The following ADGRV1 variants were observed in gnomAD, a reference collection of about 807,000 sequenced individuals.
ADGRV1 encodes the protein G-protein coupled receptor 98.
Under a neutral mutation model 596.2 loss-of-function variants are expected in ADGRV1, and 359 were observed. The ratio of observed to expected loss-of-function variants is 0.60; its 90% CI spans 0.55 to 0.66. ADGRV1 has a LOEUF of 0.66. Ranked by LOEUF, ADGRV1 falls within the 30% of genes least tolerant of loss-of-function variation. The pLI, the probability that ADGRV1 is intolerant of heterozygous loss-of-function variation, is 0.00. For missense variants in ADGRV1, 7,274 were observed against 7,575.6 expected (o/e 0.96, Z 1.48); for synonymous variants, 2,681 against 2,679.2 (o/e 1.00, Z -0.02).
At position 90,712,399 on chromosome 5, in the gene ADGRV1, CT is replaced by C. The variant is rs2149722710; in HGVS notation, c.9156del (p.Gly3053AspfsTer2). 6.3e-7 allele frequency: 1 copy of C among 1,590,754 alleles called. No individual in the cohort carries two copies. The highest frequency in any genetic ancestry group is 1.3e-5 in the African/African-American group (1 of 74,662). ...KFQLILTNPS[P>X]GLELGKNTIA... is the part of the protein sequence containing the mutation. ...CAGCTGATTTTAACAAATCCTTCTC[CT>C]GGACTAGAGCTAGGGAAAAATACAA... On this transcript the variant is annotated frameshift_variant, in exon 42 of 90. Coordinates refer to ENST00000405460, the MANE Select transcript of ADGRV1 (RefSeq NM_032119.4). LOFTEE classifies it high-confidence loss of function.
intron 70 of ADGRV1, among the ~76,000 whole-genome samples, chr5:90,793,512 A>T (rs1312968310): frequency 2.6e-5 from 4 of 152,186 alleles, no homozygotes; most frequent in Non-Finnish European, 4.4e-5. Flanking sequence ...TATAGTACAA[A>T]ATTGCTCTCA....
intron 1 of ADGRV1, among the ~76,000 whole-genome samples, chr5:90,609,415 C>T (rs1014552827): frequency 1.3e-5 from 2 of 151,884 alleles, no homozygotes; most frequent in African/African-American, 2.4e-5. Flanking sequence ...TTATTTATTA[C>T]TTTAAAAATG....
At position 90,689,989 on chromosome 5, in the gene ADGRV1, A is replaced by C. The variant is rs1277027264; in HGVS notation, c.6619A>C (p.Asn2207His). 1 of 1,608,222 alleles carries C rather than the reference A, an allele frequency of 6.2e-7. No individual in the cohort carries two copies. Among genetic ancestry groups the C allele is most frequent in the Non-Finnish European group, 8.5e-7 (1 of 1,177,088 alleles). Residue 2207 changes from asparagine to histidine, a missense_variant, in exon 30 of 90, where the codon AAT becomes CAT. Physicochemically the swap from Asn to His is moderately conservative, Grantham distance 68. Around this residue, in one of 5 missense-constraint regions of ADGRV1, gnomAD observed 3,643 missense variants for 3,809.2 expected, o/e 0.96. Transcript: ENST00000405460. ...LEESFLVQLM[N>H]ETTGGARLGA... ...AGAATCTTTTCTTGTGCAACTGATG[A>C]ATGAAACAACAGGAGGAGCCAGACT...
In ADGRV1 at chr5:90,965,489, A is replaced by G; in HGVS notation, c.17931A>G (p.Thr5977=). The part of the protein sequence containing the change: ...EESCSAMAAV[T]HYLYLCQFSW... ...GCTGTTCAGCTATGGCTGCTGTCACACATTACCTGTATCTTTGCCAGTTTA... is the reference window on the plus strand; with the variant it reads ...GCTGTTCAGCTATGGCTGCTGTCACGCATTACCTGTATCTTTGCCAGTTTA... Residue 5977 remains threonine, a synonymous_variant, in exon 84 of 90, where the codon ACA becomes ACG. Coordinates refer to ENST00000405460, the MANE Select transcript of ADGRV1 (RefSeq NM_032119.4). 1 of 1,613,662 alleles carries G rather than the reference A, an allele frequency of 6.2e-7. No individual in the cohort carries two copies. Among genetic ancestry groups the G allele is most frequent in the South Asian group, 1.1e-5 (1 of 91,058 alleles).
intron 83 of ADGRV1, among the ~76,000 whole-genome samples, chr5:90,868,300 G>T (rs1768329451): frequency 6.6e-6 from 1 of 151,758 alleles, no homozygotes; most frequent in Non-Finnish European, 1.5e-5. Context: ...AATTTTTTTA[G>T]TTTCATTTCA....
chr5:90,614,795 G>A (rs1468396512), intron 1 of ADGRV1, 40 bp from the exon 2 acceptor site: 1 of 1,342,230 alleles, frequency 7.5e-7, no homozygotes, highest in Non-Finnish European at 1.1e-6. Context: ...GAATAGATTA[G>A]ATATATTTTG....
chr5:91,014,136 C>CCACA (rs70973720), intron 85 of ADGRV1, among the ~76,000 whole-genome samples: 976 of 35,682 alleles, frequency 0.027, 15 homozygotes, highest in East Asian at 0.05. Flanking sequence ...TTCACAATTG[C>CCACA]CACACACACA....
chr5:90,909,955 G>A (rs1772704615), intron 83 of ADGRV1, among the ~76,000 whole-genome samples: 1 of 152,232 alleles, frequency 6.6e-6, no homozygotes, highest in African/African-American at 2.4e-5. Flanking sequence ...GTCACCCCAT[G>A]TGTCAGTTGG....
chr5:90,804,316 C>A (rs776393740), intron 71 of ADGRV1, among the ~76,000 whole-genome samples: 2 of 152,044 alleles, frequency 1.3e-5, no homozygotes, highest in Non-Finnish European at 2.9e-5. Context: ...GCATGAGAAT[C>A]ACTTGAACCT....
chr5:90,707,042 A>C (rs913878986), intron 38 of ADGRV1, among the ~76,000 whole-genome samples: 1 of 152,174 alleles, frequency 6.6e-6, no homozygotes, highest in Admixed American at 6.5e-5. Context: ...TGATTACTTC[A>C]AAGGATTCTT....
intron 85 of ADGRV1, among the ~76,000 whole-genome samples, chr5:91,012,310 A>G (rs1782786319): frequency 6.6e-6 from 1 of 151,946 alleles, no homozygotes; most frequent in African/African-American, 2.4e-5. Context: ...ATTATTCCCC[A>G]TTGAACAACT....
rs1367215134 is a variant in ADGRV1, at chr5:90,706,385, C to T, written c.8721C>T (p.Thr2907=). ...AAACAGCAGCAGCCATCAACATTAC[C>T]ATTCTTGAGGTAAAACTCTTTTTTT... ...EGETAAAINI[T]ILEDDVPELE... The change falls in exon 38 of 90, where the codon ACC becomes ACT. Residue 2907 remains threonine, a synonymous_variant. Transcript: ENST00000405460. 4 of 1,581,866 alleles carry T rather than the reference C, an allele frequency of 2.5e-6. No homozygotes were observed. Among genetic ancestry groups the T allele is most frequent in the Non-Finnish European group, 3.4e-6 (4 of 1,170,522 alleles).
chr5:90,689,222 C>G (rs560759839), intron 29 of ADGRV1, among the ~76,000 whole-genome samples: 1 of 152,084 alleles, frequency 6.6e-6, no homozygotes, highest in Admixed American at 6.5e-5. Context: ...CTAGGAATAC[C>G]TGGCTGCCTG....
At chr5:91,158,453 G>A (rs891589551) in intron 89 of ADGRV1, among the ~76,000 whole-genome samples, 9 of 152,142 alleles carry the variant, frequency 5.9e-5, no homozygotes, top group African/African-American at 9.7e-5. Context: ...TTTTACTTGT[G>A]GGACTTCAGG....
intron 85 of ADGRV1, among the ~76,000 whole-genome samples, chr5:90,999,883 G>T (rs949445120): frequency 6.6e-6 from 1 of 152,056 alleles, no homozygotes; most frequent in Non-Finnish European, 1.5e-5. Flanking sequence ...TACAATTTAA[G>T]AAAAACCATT....
At chr5:90,967,926 G>C (rs914411667) in intron 84 of ADGRV1, among the ~76,000 whole-genome samples, 17 of 152,188 alleles carry the variant, frequency 1.1e-4, no homozygotes, top group African/African-American at 4.1e-4. Context: ...CAGTATGGAA[G>C]CAGACATGTT....
chr5:91,050,293 A>G (rs1250853014), intron 85 of ADGRV1, among the ~76,000 whole-genome samples: 2 of 152,198 alleles, frequency 1.3e-5, no homozygotes, highest in African/African-American at 2.4e-5. Flanking sequence ...TCAGCGGTCT[A>G]GCTCCCTGAT....
At chr5:90,830,751 A>C (rs894258456) in intron 77 of ADGRV1, among the ~76,000 whole-genome samples, 3 of 152,156 alleles carry the variant, frequency 2.0e-5, no homozygotes, top group Non-Finnish European at 4.4e-5. Flanking sequence ...ACTTGACTGG[A>C]CCACAGAGTA....
rs186178552 is a variant in ADGRV1, at chr5:90,622,984, G to A, written c.558+283G>A. Among the ~76,000 whole-genome samples the A allele has an allele frequency of 5.6e-4, 85 of 152,188 alleles. 1 individual carries two copies. The highest frequency in any genetic ancestry group is 1.8e-3 in the African/African-American group (74 of 41,514). On this transcript the variant is annotated intron_variant, in intron 5 of 89. Coordinates refer to ENST00000405460, the MANE Select transcript of ADGRV1 (RefSeq NM_032119.4). ...TTGAACTCCTGGCCTCAGGTGATCC[G>A]CCCGCCTTGGCGTCCCAAAGTGCTG... is the stretch of plus-strand genomic sequence containing the variant.
Sources: allele counts gnomAD v4.1 joint callset (sites outside exome capture counted in the v4.1 genomes callset), GRCh38; gene constraint gnomAD v4.1.1; regional missense constraint gnomAD v4.1.1; transcripts MANE v1.5; gene names NCBI Gene and HGNC (gene_info 2026-07-23, HGNC 2026-07-21).